CNTN5: variants seen among roughly 807,000 people sequenced by gnomAD.
The protein encoded by CNTN5 is contactin-5.
In CNTN5, 77 loss-of-function variants were observed where a neutral mutation model predicts 129.1. The ratio of observed to expected loss-of-function variants is 0.60; its 90% CI spans 0.50 to 0.72. The LOEUF (loss-of-function observed/expected upper bound fraction) is 0.72. Ranked by LOEUF, CNTN5 falls within the 30% of genes least tolerant of loss-of-function variation. The pLI is 0.00. For synonymous variants in CNTN5, 509 were observed against 465.6 expected, an observed-to-expected ratio of 1.09 and a Z score of -1.20; for missense variants, 1,478 against 1,328.8, an observed-to-expected ratio of 1.11 and a Z score of -1.75.
intron 1 of CNTN5, among the ~76,000 whole-genome samples, chr11:99,182,315 G>C (rs1052264002): frequency 1.3e-5 from 2 of 152,076 alleles, no homozygotes. Flanking sequence ...AAAGCTACTC[G>C]ACAATAAAGA....
intron 3 of CNTN5, among the ~76,000 whole-genome samples, chr11:99,594,230 G>A (rs977729093): frequency 8.5e-5 from 13 of 152,190 alleles, no homozygotes; most frequent in Admixed American, 2.0e-4. Context: ...TACTCTTCTA[G>A]CATTGTGGAA....
intron 21 of CNTN5, among the ~76,000 whole-genome samples, chr11:100,328,120 G>A (rs1421100555): frequency 1.3e-5 from 2 of 152,086 alleles, no homozygotes; most frequent in Admixed American, 6.5e-5. Context: ...GGAGGCCAAG[G>A]CAGTAGGACC....
intron 2 of CNTN5, among the ~76,000 whole-genome samples, chr11:99,515,645 A>G (rs1322788644): frequency 6.6e-6 from 1 of 151,974 alleles, no homozygotes; most frequent in African/African-American, 2.4e-5. Context: ...TGTCCCCTCA[A>G]TTTATTAGTT....
intron 1 of CNTN5, among the ~76,000 whole-genome samples, chr11:99,107,426 T>G (rs1016227765): frequency 6.6e-6 from 1 of 152,198 alleles, no homozygotes; most frequent in African/African-American, 2.4e-5. Context: ...TTCTTGGTAC[T>G]GCCTTTTAAG....
At chr11:99,085,907 T>C (rs1334583693) in intron 1 of CNTN5, among the ~76,000 whole-genome samples, 1 of 152,146 alleles carries the variant, frequency 6.6e-6, no homozygotes, top group East Asian at 1.9e-4. Flanking sequence ...TATGCATATT[T>C]AGATATATAA....
At chr11:99,133,113 C>T (rs1297647337) in intron 1 of CNTN5, among the ~76,000 whole-genome samples, 10 of 152,092 alleles carry the variant, frequency 6.6e-5, no homozygotes, top group Non-Finnish European at 1.0e-4. Flanking sequence ...ACACCTACAA[C>T]GATCTGATCT....
At chr11:99,824,813 A>G (rs977598947) in intron 4 of CNTN5, among the ~76,000 whole-genome samples, 14 of 152,140 alleles carry the variant, frequency 9.2e-5, no homozygotes, top group Admixed American at 2.0e-4. Flanking sequence ...AACCAATGTC[A>G]GTGATCTCCA....
chr11:100,217,512 G>T (rs1275291438), intron 15 of CNTN5, among the ~76,000 whole-genome samples: 1 of 152,066 alleles, frequency 6.6e-6, no homozygotes, highest in African/African-American at 2.4e-5. Flanking sequence ...TTTCCTGGTG[G>T]TCATGTATTA....
chr11:100,121,319 C>G (rs1946014425), intron 13 of CNTN5, among the ~76,000 whole-genome samples: 1 of 152,028 alleles, frequency 6.6e-6, no homozygotes, highest in African/African-American at 2.4e-5. Flanking sequence ...TGTTTTGTGA[C>G]AAAAGTCTGC....
chr11:99,844,411 G>A (rs913997182), intron 4 of CNTN5, among the ~76,000 whole-genome samples: 7 of 151,982 alleles, frequency 4.6e-5, no homozygotes, highest in African/African-American at 9.7e-5. Flanking sequence ...AATGCAAGAG[G>A]ACTAATATTT....
chr11:100,236,617 C>A (rs1949618692), intron 16 of CNTN5, among the ~76,000 whole-genome samples: 2 of 152,102 alleles, frequency 1.3e-5, no homozygotes, highest in Non-Finnish European at 2.9e-5. Flanking sequence ...AATGCCACAG[C>A]CAATATCTGG....
intron 1 of CNTN5, among the ~76,000 whole-genome samples, chr11:99,105,982 T>C (rs773428559): frequency 2.6e-5 from 4 of 152,268 alleles, no homozygotes; most frequent in Non-Finnish European, 5.9e-5. Context: ...TGTTATTCCC[T>C]TATAATCACA....
chr11:100,145,720 C>T (rs560574972), intron 13 of CNTN5, among the ~76,000 whole-genome samples: 13 of 152,182 alleles, frequency 8.5e-5, no homozygotes, highest in African/African-American at 2.9e-4. Context: ...CCTGAAATTC[C>T]AGGGACTCTA....
In CNTN5 at chr11:99,904,669, G is replaced by C. The variant is rs141754258; in HGVS notation, c.578-11385G>C. Among the ~76,000 whole-genome samples, 455 of 152,262 alleles carry C rather than the reference G, an allele frequency of 3.0e-3. 1 individual carries two copies. The highest frequency in any genetic ancestry group is 3.7e-3 in the Non-Finnish European group (255 of 68,012). On this transcript the variant is annotated intron_variant, in intron 6 of 24. Coordinates refer to ENST00000524871, the MANE Select transcript of CNTN5 (RefSeq NM_014361.4). ...TTGGTATATACCCAGTAATGCGATT[G>C]CTGGGTCAAATGGTATTTCTGGTTC... is the stretch of plus-strand genomic sequence containing the variant.
chr11:99,693,228 A>G (rs1350290034), intron 3 of CNTN5, among the ~76,000 whole-genome samples: 4 of 152,188 alleles, frequency 2.6e-5, no homozygotes, highest in Non-Finnish European at 4.4e-5. Flanking sequence ...CAGAAAATAC[A>G]AATATATTTA....
chr11:99,102,403 C>T (rs780451636), intron 1 of CNTN5, among the ~76,000 whole-genome samples: 1 of 152,108 alleles, frequency 6.6e-6, no homozygotes. Context: ...TTCTTTTTTA[C>T]CACATCATCA....
intron 2 of CNTN5, among the ~76,000 whole-genome samples, chr11:99,532,206 A>G (rs1274478698): frequency 6.6e-6 from 1 of 152,160 alleles, no homozygotes. Context: ...CCTGGAGTCA[A>G]AGGAGATCAA....
chr11:100,194,344 A>G (rs1948580067), intron 15 of CNTN5, among the ~76,000 whole-genome samples: 1 of 151,884 alleles, frequency 6.6e-6, no homozygotes, highest in Non-Finnish European at 1.5e-5. Flanking sequence ...TGAGAGAGGG[A>G]GGAGAAAGAC....
intron 2 of CNTN5, among the ~76,000 whole-genome samples, chr11:99,493,243 G>A (rs1259499578): frequency 2.0e-5 from 3 of 152,106 alleles, no homozygotes; most frequent in Non-Finnish European, 2.9e-5. Flanking sequence ...AGACAAAATC[G>A]CCTAAAGAAT....
Sources: allele counts gnomAD v4.1 joint callset (sites outside exome capture counted in the v4.1 genomes callset), GRCh38; gene constraint gnomAD v4.1.1; transcripts MANE v1.5; gene names NCBI Gene and HGNC (gene_info 2026-07-23, HGNC 2026-07-21).